Variants in MED9 observed in about 807,000 individuals in gnomAD.
MED9 encodes the protein mediator complex subunit 9.
Under a neutral mutation model 13.2 loss-of-function variants are expected in MED9, and 8 were observed. The ratio of observed to expected loss-of-function variants is 0.61; its 90% CI spans 0.36 to 1.10. MED9 has a LOEUF of 1.10. MED9 is among the 50% of genes least tolerant of loss of function. MED9 has a pLI of 0.02. For synonymous variants in MED9, 87 were observed against 82.8 expected (o/e 1.05, Z -0.28); for missense variants, 180 against 193.4 (o/e 0.93, Z 0.41).
At chr17:17,478,429 C>G (rs1462392287) in intron 1 of MED9, among the ~76,000 whole-genome samples, 1 of 152,176 alleles carries the variant, frequency 6.6e-6, no homozygotes, top group Non-Finnish European at 1.5e-5. Context: ...AGTGGCCCAC[C>G]CACTTTTGAG....
At chr17:17,484,109 T>A (rs535374948) in intron 1 of MED9, among the ~76,000 whole-genome samples, 1 of 152,294 alleles carries the variant, frequency 6.6e-6, no homozygotes, top group South Asian at 2.1e-4. Flanking sequence ...AATTATTATT[T>A]TTTCCTTCAA....
chr17:17,480,193 G>T (rs1905008080), intron 1 of MED9, among the ~76,000 whole-genome samples: 1 of 152,138 alleles, frequency 6.6e-6, no homozygotes, highest in South Asian at 2.1e-4. Flanking sequence ...GGTAGGTAGG[G>T]GGAGCCATAC....
intron 1 of MED9, among the ~76,000 whole-genome samples, chr17:17,481,248 C>T (rs910688452): frequency 6.6e-5 from 10 of 152,322 alleles, no homozygotes; most frequent in Middle Eastern, 3.4e-3. Context: ...CTCTCTGGCC[C>T]TGGGTCCCTT....
At position 17,483,042 on chromosome 17, in the gene MED9, TTTCCCG is replaced by T. The variant is rs1258242902; in HGVS notation, c.224+5779_224+5784del. On this transcript the variant is annotated intron_variant, in intron 1 of 1. Transcript: ENST00000268711. This position sits in a 1 kb window ranked among gnomAD's most constrained non-coding sequence, Gnocchi z 4.2. ...TTGTCAGTATTTCCCTGGCCCTTCCTTTCCCGTGGAGTTTTCTAGCAGCCTGCCTGA... is the reference window on the plus strand; with the variant it reads ...TTGTCAGTATTTCCCTGGCCCTTCCTTGGAGTTTTCTAGCAGCCTGCCTGA... Among the ~76,000 whole-genome samples the T allele has an allele frequency of 6.6e-6, 1 of 152,194 alleles. No individual in the cohort carries two copies. The highest frequency in any genetic ancestry group is 1.5e-5 in the Non-Finnish European group (1 of 68,034).
intron 1 of MED9, among the ~76,000 whole-genome samples, chr17:17,478,755 G>A (rs1352900690): frequency 6.6e-6 from 1 of 152,040 alleles, no homozygotes; most frequent in Non-Finnish European, 1.5e-5. Context: ...TACTCAGGAG[G>A]CTGAGGCAGG....
At chr17:17,491,029 C>T (rs1431999877) in intron 1 of MED9, among the ~76,000 whole-genome samples, 1 of 152,132 alleles carries the variant, frequency 6.6e-6, no homozygotes, top group African/African-American at 2.4e-5. Context: ...TGACAGTTGA[C>T]TTGACAGAAG....
rs1905245348 is a variant in MED9 at position 17,492,023 on chromosome 17, A to C, written c.*528A>C. The C allele has an allele frequency of 6.2e-6, 1 of 161,152 alleles. No individual in the cohort carries two copies. Among genetic ancestry groups the C allele is most frequent in the African/African-American group, 2.4e-5 (1 of 41,616 alleles). 10.0% of individuals were successfully genotyped at this position (161,152 alleles called of 1,614,324 possible). ...CACTCATATGGCATAGAATTGTGAG[A>C]GAATGTTTTGAAAGGCCAGAGGGTG... On this transcript the variant is annotated 3_prime_UTR_variant, in exon 2 of 2. Transcript: ENST00000268711.
Position 17,491,553 on chromosome 17 carries a change from A to T in MED9, c.*58A>T. 1 of 1,472,552 alleles carries T rather than the reference A, an allele frequency of 6.8e-7. No individual in the cohort carries two copies. The highest frequency in any genetic ancestry group is 2.3e-5 in the East Asian group (1 of 44,038). 91.2% of individuals were successfully genotyped at this position (1,472,552 alleles called of 1,614,324 possible). On this transcript the variant is annotated 3_prime_UTR_variant, in exon 2 of 2. Transcript: ENST00000268711. ...GCCAATGGCCTGTCTCCCCACTACC[A>T]TCCCCAAACGCTCCTTGGGGCGTGG...
At position 17,491,447 on chromosome 17, in the gene MED9, T is replaced by G; in HGVS notation, c.393T>G (p.Leu131=). ...AGCAAGTCAGGACCAAGAATGAGCT[T>G]CTGCAAAAGTACAAGAGCCTCTGCA... ...LREQVRTKNE[L]LQKYKSLCMF... The change falls in exon 2 of 2, where the codon CTT becomes CTG. Residue 131 remains leucine, a synonymous_variant. Transcript: ENST00000268711. 6.2e-7 allele frequency: 1 copy of G among 1,614,110 alleles called. No homozygotes were observed. The highest frequency in any genetic ancestry group is 8.5e-7 in the Non-Finnish European group (1 of 1,180,014).
Position 17,491,390 on chromosome 17 carries a change from A to ACAG in MED9, c.350_352dup (p.Gln117dup), listed in dbSNP as rs751728674. 5.6e-6 allele frequency: 9 copies of ACAG among 1,613,800 alleles called. No individual in the cohort carries two copies. Among genetic ancestry groups the ACAG allele is most frequent in the Admixed American group, 1.7e-5 (1 of 60,008 alleles). ...TGCCCGGCATCCACCTGAGCCCCGAACAGCAGCAGCAGCAGCTGCAGAGCC... is the reference window on the plus strand; with the variant it reads ...TGCCCGGCATCCACCTGAGCCCCGAACAGCAGCAGCAGCAGCAGCTGCAGAGCC... On this transcript the variant is annotated inframe_insertion, in exon 2 of 2. Transcript: ENST00000268711.
chr17:17,489,252 T>C (rs143202178), intron 1 of MED9, among the ~76,000 whole-genome samples: 1 of 152,240 alleles, frequency 6.6e-6, no homozygotes, highest in African/African-American at 2.4e-5. Context: ...TTTTATTATC[T>C]GAAGACTGTC....
chr17:17,485,951 G>C (rs1905120647), intron 1 of MED9: 1 of 152,222 alleles, frequency 6.6e-6, no homozygotes, highest in Non-Finnish European at 1.5e-5. Flanking sequence ...GGTCTTGGCA[G>C]AACTGGAGCA....
chr17:17,480,237 G>A lies in MED9; in HGVS notation c.224+2972G>A, dbSNP rs147886535. 1.8e-3 allele frequency among the ~76,000 whole-genome samples: 275 copies of A among 152,192 alleles called. 4 individuals carry two copies. Among genetic ancestry groups the A allele is most frequent in the African/African-American group, 6.1e-3 (254 of 41,522 alleles). Reference sequence around the variant, plus strand: ...GGGATTAAGAGAAAGTTCACAGTCTGAAGAGAGACACCACCCGAGCCTTCC... The same window carrying A: ...GGGATTAAGAGAAAGTTCACAGTCTAAAGAGAGACACCACCCGAGCCTTCC... On this transcript the variant is annotated intron_variant, in intron 1 of 1. Transcript: ENST00000268711.
At chr17:17,480,668 AAGAG>A (rs938756876) in intron 1 of MED9, among the ~76,000 whole-genome samples, 2 of 152,166 alleles carry the variant, frequency 1.3e-5, no homozygotes, top group African/African-American at 2.4e-5. Context: ...GAAAGAAAGA[AAGAG>A]AGGAGACAGA....
intron 1 of MED9, among the ~76,000 whole-genome samples, chr17:17,489,841 T>C (rs906388767): frequency 2.0e-5 from 3 of 152,240 alleles, no homozygotes; most frequent in Non-Finnish European, 2.9e-5. Context: ...TGGTAAATAC[T>C]GAGCTGGCCA....
chr17:17,483,282 A>G lies in MED9; in HGVS notation c.224+6017A>G, dbSNP rs1160139813. 1.3e-5 allele frequency among the ~76,000 whole-genome samples: 2 copies of G among 152,194 alleles called. No homozygotes were observed. Among genetic ancestry groups the G allele is most frequent in the Non-Finnish European group, 2.9e-5 (2 of 68,032 alleles). On this transcript the variant is annotated intron_variant, in intron 1 of 1. Transcript: ENST00000268711. This position sits in a 1 kb window ranked among gnomAD's most constrained non-coding sequence, Gnocchi z 4.2. ...TTTTCTTTGTTCTCCATTCTTCTCAAATTGAGCCCAAACTTAGGCCTTTAC... is the reference window on the plus strand; with the variant it reads ...TTTTCTTTGTTCTCCATTCTTCTCAGATTGAGCCCAAACTTAGGCCTTTAC...
At chr17:17,481,358 C>A (rs1351876438) in intron 1 of MED9, among the ~76,000 whole-genome samples, 1 of 152,170 alleles carries the variant, frequency 6.6e-6, no homozygotes, top group Non-Finnish European at 1.5e-5. Context: ...TTTAGCCTTT[C>A]TTGTTCTCAT....
chr17:17,491,262 C>G lies in MED9; in HGVS notation c.225-17C>G. ...TGTATCAAGCTGTGAATGCTAACAG[C>G]TGTTCTTCCCCCACAGCATGGACAA... On this transcript the variant is annotated splice_polypyrimidine_tract_variant and intron_variant, in intron 1 of 1. Coordinates refer to ENST00000268711, the MANE Select transcript of MED9 (RefSeq NM_018019.3). 1 of 1,605,412 alleles carries G rather than the reference C, an allele frequency of 6.2e-7. No individual in the cohort carries two copies. Among genetic ancestry groups the G allele is most frequent in the Non-Finnish European group, 8.5e-7 (1 of 1,173,634 alleles).
At chr17:17,478,014 G>T (rs527938029) in intron 1 of MED9, among the ~76,000 whole-genome samples, 234 of 152,154 alleles carry the variant, frequency 1.5e-3, no homozygotes, top group Non-Finnish European at 2.7e-3. Flanking sequence ...TATTTTTTTT[G>T]AGAGAGGGTC....
Sources: gnomAD v4.1 joint callset for allele counts (sites outside exome capture counted in the v4.1 genomes callset) on GRCh38, gnomAD v4.1.1 for gene constraint, Gnocchi (gnomAD v3.1) non-coding constraint, MANE v1.5 for transcripts, NCBI Gene and HGNC (gene_info 2026-07-23, HGNC 2026-07-21) for gene names.